Variants in PRKRA observed in about 807,000 individuals in gnomAD.
PRKRA encodes the protein protein activator of interferon induced protein kinase EIF2AK2, also known as interferon-inducible double-stranded RNA-dependent protein kinase activator A.
A neutral mutation model predicts 32.4 loss-of-function variants in PRKRA; 22 were observed. The ratio of observed to expected loss-of-function variants is 0.68; its 90% CI spans 0.49 to 0.97. PRKRA has a LOEUF of 0.97. PRKRA is among the 50% of genes least tolerant of loss of function. The pLI, the probability that PRKRA is intolerant of heterozygous loss-of-function variation, is 0.00. For synonymous variants in PRKRA, 139 were observed against 129.8 expected (o/e 1.07, Z -0.48); for missense variants, 319 against 375.6 (o/e 0.85, Z 1.25).
At chr2:178,447,848 C>A (rs1697381768) in intron 2 of PRKRA, among the ~76,000 whole-genome samples, 1 of 152,150 alleles carries the variant, frequency 6.6e-6, no homozygotes, top group Admixed American at 6.5e-5. Flanking sequence ...TGCATACCTG[C>A]ATAAAAATCC....
At chr2:178,436,358 A>T in intron 6 of PRKRA, 39 bp from the exon 7 acceptor site, 12 of 902,408 alleles carry the variant, frequency 1.3e-5, no homozygotes, top group Non-Finnish European at 1.7e-5. Context: ...CTTGACTAGG[A>T]CTGGGTTCCA....
intron 2 of PRKRA, among the ~76,000 whole-genome samples, chr2:178,449,439 ATT>A (rs1167090045): frequency 6.6e-6 from 1 of 152,118 alleles, no homozygotes; most frequent in African/African-American, 2.4e-5. Context: ...TTCCTACTAA[ATT>A]TTTTTCTTGG....
intron 5 of PRKRA, 47 bp downstream of exon 5, chr2:178,443,220 A>G (rs762346993): frequency 4.0e-6 from 4 of 999,102 alleles, no homozygotes; most frequent in Non-Finnish European, 5.5e-6. Context: ...ATAGTCATTC[A>G]TCATCTGAAA....
intron 6 of PRKRA, among the ~76,000 whole-genome samples, chr2:178,438,534 G>A (rs1421587114): frequency 6.6e-6 from 1 of 152,144 alleles, no homozygotes; most frequent in East Asian, 1.9e-4. Flanking sequence ...GACAAGTTCA[G>A]TTTTACAGTA....
chr2:178,445,290 G>C (rs1697275672), intron 3 of PRKRA: 1 of 152,102 alleles, frequency 6.6e-6, no homozygotes. Context: ...TTCAAGGTTA[G>C]TACCACCTAG....
intron 3 of PRKRA, chr2:178,447,184 A>G (rs1697351120): frequency 3.7e-6 from 1 of 268,834 alleles, no homozygotes; most frequent in Non-Finnish European, 7.1e-6. Flanking sequence ...GTTTTCTTCA[A>G]TGTAGAAATA....
rs1696662071 is a variant in PRKRA, at chr2:178,431,814, A to C, written c.*283T>G. On this transcript the variant is annotated 3_prime_UTR_variant, in exon 8 of 8. Coordinates refer to ENST00000325748, the MANE Select transcript of PRKRA (RefSeq NM_003690.5). ...GCATTTTTATTTCATCATCAACAAC[A>C]AACATGCAGTTTCTTTCTCTGATGT... is the stretch of plus-strand genomic sequence containing the variant. 4.4e-6 allele frequency: 2 copies of C among 453,700 alleles called. No individual in the cohort carries two copies. Among genetic ancestry groups the C allele is most frequent in the South Asian group, 2.6e-5 (1 of 39,016 alleles). The allele number at this position is 453,700 out of a possible 1,614,324, so 28.1% of individuals were successfully genotyped here.
In PRKRA at chr2:178,443,282, ACT is replaced by A; in HGVS notation, c.497_498del (p.Glu166ValfsTer20). On this transcript the variant is annotated frameshift_variant, in exon 5 of 8. Coordinates refer to ENST00000325748, the MANE Select transcript of PRKRA (RefSeq NM_003690.5). LOFTEE classifies it high-confidence loss of function. Reference sequence around the variant, plus strand: ...AAATAAGTACCAGTTTCCATAAATGACTCTAGCCTGCAAATTGTAGTATATTC... The same window carrying A: ...AAATAAGTACCAGTTTCCATAAATGACTAGCCTGCAAATTGTAGTATATTC... ...KREYTTICRLESFMETGKGAS... is the reference protein window; with the variant it reads ...KREYTTICRLXSFMETGKGAS... The A allele has an allele frequency of 6.2e-7, 1 of 1,604,330 alleles. No individual in the cohort carries two copies. Among genetic ancestry groups the A allele is most frequent in the Non-Finnish European group, 8.5e-7 (1 of 1,171,392 alleles).
In PRKRA at chr2:178,450,964, ACCTGAAGGT is replaced by A. The variant is rs1307637599; in HGVS notation, c.58_65+1del. The stretch of plus-strand genomic sequence containing the variant: ...TGGGGCCCTGACTGCCCGCACGCTG[ACCTGAAGGT>A]CCCACTGTCCTCGCGCTCCAGCGGC... On this transcript the variant is annotated splice_donor_variant and coding_sequence_variant, in exon 1 of 8. Coordinates refer to ENST00000325748, the MANE Select transcript of PRKRA (RefSeq NM_003690.5). LOFTEE classifies it high-confidence loss of function. The A allele has an allele frequency of 6.4e-7, 1 of 1,561,192 alleles. No individual in the cohort carries two copies.
At chr2:178,450,519 T>G (rs865896249) in intron 1 of PRKRA, 108 bp from the exon 2 acceptor site, 2 of 1,442,526 alleles carry the variant, frequency 1.4e-6, no homozygotes, top group Middle Eastern at 2.3e-4. Flanking sequence ...AGGCGCCGAG[T>G]TCCCCGGAGG....
At chr2:178,448,845 C>G (rs1261148122) in intron 2 of PRKRA, among the ~76,000 whole-genome samples, 1 of 152,106 alleles carries the variant, frequency 6.6e-6, no homozygotes, top group East Asian at 1.9e-4. Flanking sequence ...AAGACAAAAG[C>G]CTACATTTCT....
chr2:178,434,750 CA>C (rs1462084483), intron 7 of PRKRA, among the ~76,000 whole-genome samples: 3 of 152,146 alleles, frequency 2.0e-5, no homozygotes, highest in Non-Finnish European at 4.4e-5. Flanking sequence ...TTCCCAGGGT[CA>C]GGGGACCCTG....
At position 178,450,387 on chromosome 2, in the gene PRKRA, C is replaced by T; in HGVS notation, c.90G>A (p.Lys30=). 1.2e-6 allele frequency: 2 copies of T among 1,614,270 alleles called. No individual in the cohort carries two copies. The highest frequency in any genetic ancestry group is 1.7e-6 in the Non-Finnish European group (2 of 1,180,046). The change falls in exon 2 of 8, where the codon AAG becomes AAA. Residue 30 remains lysine (K), a synonymous_variant. Transcript: ENST00000325748. ...ATACCTGAATCGGTGTTTTCCCTGGCTTAGCTGTTATCATCTTCCCCAAAC... is the reference window on the plus strand; with the variant it reads ...ATACCTGAATCGGTGTTTTCCCTGGTTTAGCTGTTATCATCTTCCCCAAAC... The part of the protein sequence containing the change: ...TFSLGKMITA[K]PGKTPIQVLH...
chr2:178,440,256 T>C lies in PRKRA; in HGVS notation c.609+1354A>G, dbSNP rs990398868. ...TCAAATTATATTACTCATTTGTATA[T>C]AGTCTTTGATTTTTTTCTAAAGAAT... On this transcript the variant is annotated intron_variant, in intron 6 of 7. Transcript: ENST00000325748. The C allele has an allele frequency of 2.0e-5, 3 of 152,324 alleles. No homozygotes were observed. The East Asian group carries it at 5.8e-4, about 29-fold the overall frequency. 9.4% of individuals were successfully genotyped at this position (152,324 alleles called of 1,614,324 possible).
At chr2:178,437,416 A>C (rs1426967680) in intron 6 of PRKRA, among the ~76,000 whole-genome samples, 2 of 152,228 alleles carry the variant, frequency 1.3e-5, no homozygotes, top group Non-Finnish European at 2.9e-5. Context: ...GCAAATGATA[A>C]CTTACTCCTC....
chr2:178,437,632 TA>T (rs1012124876), intron 6 of PRKRA, among the ~76,000 whole-genome samples: 2 of 152,186 alleles, frequency 1.3e-5, no homozygotes, highest in African/African-American at 4.8e-5. Context: ...TTAATTTTGA[TA>T]AATACTTCCA....
intron 7 of PRKRA, chr2:178,433,865 G>C (rs1404936482): frequency 6.6e-6 from 1 of 152,146 alleles, no homozygotes; most frequent in African/African-American, 2.4e-5. Context: ...TTAACAGACT[G>C]TGGTTTTTAG....
chr2:178,442,583 A>C (rs1283217347), intron 5 of PRKRA, among the ~76,000 whole-genome samples: 1 of 152,226 alleles, frequency 6.6e-6, no homozygotes, highest in African/African-American at 2.4e-5. Context: ...CAAGGACGGA[A>C]GCTGAGGTTC....
At chr2:178,434,641 C>T (rs1696812615) in intron 7 of PRKRA, among the ~76,000 whole-genome samples, 2 of 152,034 alleles carry the variant, frequency 1.3e-5, no homozygotes, top group South Asian at 4.2e-4. Flanking sequence ...CCAGGTTCTG[C>T]ATCATTATTG....
Sources: allele counts gnomAD v4.1 joint callset (sites outside exome capture counted in the v4.1 genomes callset), GRCh38; gene constraint gnomAD v4.1.1; transcripts MANE v1.5; gene names NCBI Gene and HGNC (gene_info 2026-07-23, HGNC 2026-07-21).